The following SH2D4B variants were observed in gnomAD, a reference collection of about 807,000 sequenced individuals.
The protein encoded by SH2D4B is SH2 domain containing 4B.
A neutral mutation model predicts 61.5 loss-of-function variants in SH2D4B; 45 were observed. The ratio of observed to expected loss-of-function variants is 0.73; its 90% CI spans 0.58 to 0.94. The LOEUF (loss-of-function observed/expected upper bound fraction) is 0.94, where lower values mean the gene tolerates loss of function less well. SH2D4B is among the 40% of genes least tolerant of loss of function. The pLI is 0.00. For synonymous variants in SH2D4B, 224 were observed against 220.4 expected, an observed-to-expected ratio of 1.02 and a Z score of -0.14; for missense variants, 572 against 574.2, an observed-to-expected ratio of 1.00 and a Z score of 0.04.
intron 1 of SH2D4B, among the ~76,000 whole-genome samples, chr10:80,543,461 C>G (rs1016272964): frequency 1.3e-5 from 2 of 152,302 alleles, no homozygotes; most frequent in Non-Finnish European, 2.9e-5. Context: ...GCGCAGGGCT[C>G]GGGACCTGCA....
chr10:80,640,622 A>G (rs942396372), intron 7 of SH2D4B, among the ~76,000 whole-genome samples: 2 of 152,186 alleles, frequency 1.3e-5, no homozygotes, highest in African/African-American at 4.8e-5. Context: ...TTCTCATGCC[A>G]TGAGTTTCAG....
At chr10:80,609,281 C>A in intron 5 of SH2D4B, 143 bp from the exon 6 acceptor site, 1 of 643,038 alleles carries the variant, frequency 1.6e-6, no homozygotes, top group Non-Finnish European at 2.5e-6. Context: ...TCATGGCCCT[C>A]CCCTGCCCCT....
chr10:80,614,167 C>T (rs1410449270), intron 6 of SH2D4B, among the ~76,000 whole-genome samples: 4 of 152,096 alleles, frequency 2.6e-5, no homozygotes, highest in Non-Finnish European at 4.4e-5. Flanking sequence ...AACAAATACC[C>T]GAGGCTGGGT....
chr10:80,572,966 A>T (rs1564771902), intron 3 of SH2D4B, among the ~76,000 whole-genome samples: 2 of 6,114 alleles, frequency 3.3e-4, no homozygotes, highest in African/African-American at 8.2e-4. Context: ...ATATATATAT[A>T]TATATATATA....
At chr10:80,581,616 G>A (rs940506659) in intron 3 of SH2D4B, among the ~76,000 whole-genome samples, 2 of 152,202 alleles carry the variant, frequency 1.3e-5, no homozygotes, top group African/African-American at 4.8e-5. Flanking sequence ...AGCCAGCCAA[G>A]GAGAAGGGCC....
At chr10:80,615,115 G>A (rs1842645939) in intron 6 of SH2D4B, among the ~76,000 whole-genome samples, 1 of 152,246 alleles carries the variant, frequency 6.6e-6, no homozygotes, top group South Asian at 2.1e-4. Flanking sequence ...CACTGGGAGG[G>A]AGGTCTCCTG....
At chr10:80,634,169 G>C in intron 6 of SH2D4B, 116 bp from the exon 7 acceptor site, 1 of 1,365,124 alleles carries the variant, frequency 7.3e-7, no homozygotes, top group Non-Finnish European at 9.7e-7. Context: ...ACCCTGGACT[G>C]TGTGGATGGC....
At chr10:80,554,063 G>T (rs1841795790) in intron 1 of SH2D4B, among the ~76,000 whole-genome samples, 1 of 152,234 alleles carries the variant, frequency 6.6e-6, no homozygotes. Context: ...GTGAGTACTT[G>T]ATAAACATTA....
intron 6 of SH2D4B, among the ~76,000 whole-genome samples, chr10:80,624,237 G>A (rs1564528471): frequency 6.6e-6 from 1 of 152,152 alleles, no homozygotes; most frequent in Non-Finnish European, 1.5e-5. Flanking sequence ...CAGGGTAATT[G>A]CTAGACTCTC....
Position 80,571,549 on chromosome 10 carries a change from C to CT in SH2D4B, c.467dup (p.Glu157GlyfsTer49). 6.2e-7 allele frequency: 1 copy of CT among 1,614,040 alleles called. No homozygotes were observed. Among genetic ancestry groups the CT allele is most frequent in the Non-Finnish European group, 8.5e-7 (1 of 1,179,996 alleles). On this transcript the variant is annotated frameshift_variant, in exon 3 of 8. Transcript: ENST00000646907. LOFTEE classifies it high-confidence loss of function. ...GGAAGACCGCAAGGCTGCCAAAGTCCTGGAGGAACGCATCCACGAGGAATT... is the reference window on the plus strand; with the variant it reads ...GGAAGACCGCAAGGCTGCCAAAGTCCTTGGAGGAACGCATCCACGAGGAATT...
chr10:80,643,657 A>G (rs913067639), intron 7 of SH2D4B, among the ~76,000 whole-genome samples: 1 of 152,098 alleles, frequency 6.6e-6, no homozygotes, highest in East Asian at 1.9e-4. Flanking sequence ...GCTTGAGGCA[A>G]ACACCTACTG....
chr10:80,622,569 A>T (rs1269739796), intron 6 of SH2D4B, among the ~76,000 whole-genome samples: 1 of 151,680 alleles, frequency 6.6e-6, no homozygotes, highest in Non-Finnish European at 1.5e-5. Flanking sequence ...TCTTTCCTCT[A>T]TTTGCCTGTA....
In SH2D4B at chr10:80,644,123, GT is replaced by G. The variant is rs1481616181; in HGVS notation, c.*43del. On this transcript the variant is annotated 3_prime_UTR_variant, in exon 8 of 8. Transcript: ENST00000646907. ...TCAATTGGATTCATTTTGGTATCCTGTTTTTGAACTCAGCTTAAGAACTTCT... is the reference window on the plus strand; with the variant it reads ...TCAATTGGATTCATTTTGGTATCCTGTTTTGAACTCAGCTTAAGAACTTCT... The G allele has an allele frequency of 3.9e-6, 6 of 1,529,886 alleles. No individual in the cohort carries two copies. The highest frequency in any genetic ancestry group is 5.4e-6 in the Non-Finnish European group (6 of 1,105,528). The allele number at this position is 1,529,886 out of a possible 1,614,324, so 94.8% of individuals were successfully genotyped here.
At chr10:80,609,211 G>A (rs1034179032) in intron 5 of SH2D4B, among the ~76,000 whole-genome samples, 17 of 152,098 alleles carry the variant, frequency 1.1e-4, no homozygotes, top group Non-Finnish European at 2.2e-4. Context: ...GAGTACCTGG[G>A]CTGTTTTAAT....
At chr10:80,629,003 C>T (rs1228356006) in intron 6 of SH2D4B, among the ~76,000 whole-genome samples, 1 of 146,994 alleles carries the variant, frequency 6.8e-6, no homozygotes, top group Non-Finnish European at 1.5e-5. Flanking sequence ...GCACCCCAGC[C>T]TGGGTGACAG....
At chr10:80,550,220 G>T (rs1841740142) in intron 1 of SH2D4B, among the ~76,000 whole-genome samples, 1 of 152,114 alleles carries the variant, frequency 6.6e-6, no homozygotes, top group Non-Finnish European at 1.5e-5. Flanking sequence ...CCCTTTAAGG[G>T]CCTCAGCTTA....
chr10:80,625,495 T>C (rs974190258), intron 6 of SH2D4B, among the ~76,000 whole-genome samples: 3 of 152,216 alleles, frequency 2.0e-5, no homozygotes, highest in African/African-American at 7.2e-5. Flanking sequence ...ATAGTTGTAA[T>C]GTATTCTTTT....
chr10:80,538,380 G>C lies in SH2D4B; in HGVS notation c.49G>C (p.Ala17Pro). 1.4e-6 allele frequency: 2 copies of C among 1,421,732 alleles called. No homozygotes were observed. Among genetic ancestry groups the C allele is most frequent in the Non-Finnish European group, 1.8e-6 (2 of 1,083,488 alleles). 88.1% of individuals were successfully genotyped at this position (1,421,732 alleles called of 1,614,324 possible). ...HDMYIDPELLAELSDVQKHIL... is the reference protein window; with the variant it reads ...HDMYIDPELLPELSDVQKHIL... ...CATGTACATCGACCCCGAGCTCCTT[G>C]CCGAGCTCAGCGATGTGCAGAAGCA... is the stretch of plus-strand genomic sequence containing the variant. Residue 17 changes from alanine (A) to proline (P), a missense_variant, in exon 1 of 8, where the codon GCC (alanine) becomes CCC (proline). Ala to Pro is a conservative substitution (Grantham distance 27). Coordinates refer to ENST00000646907, the MANE Select transcript of SH2D4B (RefSeq NM_001388272.1). This position sits in a 1 kb window ranked among gnomAD's most constrained non-coding sequence, Gnocchi z 4.8.
At chr10:80,559,825 A>G (rs941337128) in intron 1 of SH2D4B, among the ~76,000 whole-genome samples, 3 of 151,114 alleles carry the variant, frequency 2.0e-5, no homozygotes, top group African/African-American at 7.3e-5. Flanking sequence ...TTTTGCAGAA[A>G]TAGGGTTTCA....
Sources: allele counts gnomAD v4.1 joint callset (sites outside exome capture counted in the v4.1 genomes callset), GRCh38; gene constraint gnomAD v4.1.1; non-coding constraint Gnocchi (gnomAD v3.1); transcripts MANE v1.5; gene names NCBI Gene and HGNC (gene_info 2026-07-23, HGNC 2026-07-21).